IGSF5: variants seen among roughly 807,000 people sequenced by gnomAD.
IGSF5 encodes immunoglobulin superfamily member 5.
IGSF5 carries 41 observed loss-of-function variants against 39.4 expected under a neutral mutation model. That is an observed-to-expected ratio of 1.04 (90% confidence interval 0.81 to 1.35). The LOEUF is 1.35. Among genes scored for constraint, IGSF5 ranks in the 40% most tolerant of loss-of-function variants. The pLI is 0.00. For synonymous variants in IGSF5, 183 were observed against 175.3 expected (o/e 1.04, Z -0.34); for missense variants, 487 against 494.6 (o/e 0.98, Z 0.15).
At chr21:39,716,082 G>C in the IGSF5 span, among the ~76,000 whole-genome samples, 10,143 of 152,236 alleles carry the variant, frequency 0.067, 669 homozygotes, top group East Asian at 0.21. Flanking sequence ...CATTTCCCAA[G>C]AGGGTGTCAG....
chr21:39,747,859 C>T (rs557706990), intron 2 of IGSF5, among the ~76,000 whole-genome samples: 250 of 151,894 alleles, frequency 1.6e-3, no homozygotes, highest in South Asian at 7.9e-3. Context: ...GTGCTAGTGT[C>T]CAAGGACAAG....
At chr21:39,744,969 T>C (rs192925041), upstream of IGSF5, among the ~76,000 whole-genome samples, 1 of 152,248 alleles carries the variant, frequency 6.6e-6, no homozygotes, top group East Asian at 1.9e-4. Flanking sequence ...CAAAGTGGCA[T>C]TGGAGTGTTA....
chr21:39,726,535 C>A, the IGSF5 span, among the ~76,000 whole-genome samples: 1 of 151,382 alleles, frequency 6.6e-6, no homozygotes, highest in Non-Finnish European at 1.5e-5. Context: ...GATGGAGGAG[C>A]CAAGATGGCA....
the IGSF5 span, among the ~76,000 whole-genome samples, chr21:39,711,989 A>T: frequency 6.6e-6 from 1 of 152,128 alleles, no homozygotes; most frequent in Non-Finnish European, 1.5e-5. Context: ...TAGTGGGAAA[A>T]GTCCCCCTCT....
chr21:39,779,185 G>A lies in IGSF5; in HGVS notation c.814G>A (p.Ala272Thr), dbSNP rs1478234470. Residue 272 changes from alanine (A) to threonine (T), a missense_variant, in exon 5 of 9, where the codon GCA (alanine) becomes ACA (threonine). Transcript: ENST00000380588. ...PTWGKVGLGL[A>T]GTMLLTPTCT... ...TTGGGGCAAAGTTGGACTTGGACTA[G>A]CAGGCACCATGCTTCTGACGCCGAC... The A allele has an allele frequency of 6.2e-7, 1 of 1,614,150 alleles. No individual in the cohort carries two copies. The highest frequency in any genetic ancestry group is 1.1e-5 in the South Asian group (1 of 91,086).
At chr21:39,781,889 G>A (rs1321119222) in intron 5 of IGSF5, among the ~76,000 whole-genome samples, 1 of 151,962 alleles carries the variant, frequency 6.6e-6, no homozygotes, top group African/African-American at 2.4e-5. Context: ...TAGGACCGAT[G>A]GCCCCCTTTA....
At chr21:39,795,088 TGA>T (rs1283791380) in intron 8 of IGSF5, among the ~76,000 whole-genome samples, 1 of 152,210 alleles carries the variant, frequency 6.6e-6, no homozygotes, top group Non-Finnish European at 1.5e-5. Flanking sequence ...CAACTGTGCC[TGA>T]GTAACAAATC....
the IGSF5 span, among the ~76,000 whole-genome samples, chr21:39,739,071 T>G: frequency 6.6e-6 from 1 of 151,950 alleles, no homozygotes; most frequent in Non-Finnish European, 1.5e-5. Flanking sequence ...GTATTTTTTG[T>G]GGAGACTGCC....
At chr21:39,790,509 T>G (rs2086957628) in intron 6 of IGSF5, among the ~76,000 whole-genome samples, 1 of 152,006 alleles carries the variant, frequency 6.6e-6, no homozygotes, top group African/African-American at 2.4e-5. Context: ...AAGTACAAAA[T>G]TAGCTGGGCA....
At chr21:39,789,012 G>A (rs1052844742) in intron 6 of IGSF5, among the ~76,000 whole-genome samples, 1 of 152,136 alleles carries the variant, frequency 6.6e-6, no homozygotes, top group African/African-American at 2.4e-5. Context: ...TGGCAATTGT[G>A]AAGTTTGGAG....
intron 8 of IGSF5, 42 bp from the exon 9 acceptor site, chr21:39,801,220 T>A (rs966582849): frequency 4.9e-6 from 7 of 1,438,052 alleles, no homozygotes; most frequent in Non-Finnish European, 6.8e-6. Context: ...TTTACAGTGA[T>A]CTCAACCCAT....
chr21:39,796,214 T>G (rs752912055), intron 8 of IGSF5, among the ~76,000 whole-genome samples: 1 of 152,116 alleles, frequency 6.6e-6, no homozygotes, highest in Non-Finnish European at 1.5e-5. Flanking sequence ...TAGACCTTGT[T>G]GTGGTCAACT....
intron 2 of IGSF5, among the ~76,000 whole-genome samples, chr21:39,750,541 T>C (rs1484696227): frequency 2.0e-5 from 3 of 147,156 alleles, no homozygotes; most frequent in Non-Finnish European, 4.5e-5. Context: ...TTCAGTATGG[T>C]GCTGAACATC....
the IGSF5 span, among the ~76,000 whole-genome samples, chr21:39,727,254 G>A: frequency 0.031 from 4,647 of 152,292 alleles, 84 homozygotes; most frequent in Middle Eastern, 0.037. Flanking sequence ...TTCTGCTGAG[G>A]TTCACAGTAA....
chr21:39,795,238 C>T (rs1340482734), intron 8 of IGSF5, among the ~76,000 whole-genome samples: 1 of 152,048 alleles, frequency 6.6e-6, no homozygotes, highest in Non-Finnish European at 1.5e-5. Flanking sequence ...CTGGAAGGGA[C>T]GATGATGCAA....
intron 2 of IGSF5, among the ~76,000 whole-genome samples, chr21:39,758,735 CT>C (rs1167072583): frequency 6.6e-6 from 1 of 152,148 alleles, no homozygotes; most frequent in Non-Finnish European, 1.5e-5. Flanking sequence ...CATAGGGGTG[CT>C]GGGAGGAACT....
chr21:39,794,599 C>T (rs1206975463), intron 8 of IGSF5, among the ~76,000 whole-genome samples: 1 of 152,208 alleles, frequency 6.6e-6, no homozygotes, highest in East Asian at 1.9e-4. Flanking sequence ...AACCAACACC[C>T]TTTTCTGACC....
chr21:39,755,566 G>T (rs2080025398), intron 2 of IGSF5, among the ~76,000 whole-genome samples: 1 of 143,774 alleles, frequency 7.0e-6, no homozygotes. Context: ...CAGACTGGGT[G>T]ACAGAGCGAG....
At position 39,801,516 on chromosome 21, in the gene IGSF5, G is replaced by T; in HGVS notation, c.*159G>T. The T allele has an allele frequency of 2.1e-6, 1 of 481,154 alleles. No homozygotes were observed. The highest frequency in any genetic ancestry group is 3.7e-6 in the Non-Finnish European group (1 of 272,256). The allele number at this position is 481,154 out of a possible 1,614,324, so 29.8% of individuals were successfully genotyped here. A position where few individuals can be genotyped will look rare whatever the true frequency, so the allele number is the denominator to read the frequency against. ...GAACTGATACTTGACAGTGAGAGAA[G>T]GAATCGATTTTCCCAGAGTTCAAAG... On this transcript the variant is annotated 3_prime_UTR_variant, in exon 9 of 9. Transcript: ENST00000380588.
Sources: allele counts gnomAD v4.1 joint callset (sites outside exome capture counted in the v4.1 genomes callset), GRCh38; gene constraint gnomAD v4.1.1; transcripts MANE v1.5; gene names NCBI Gene and HGNC (gene_info 2026-07-23, HGNC 2026-07-21).